AKR1C8: variants seen among roughly 807,000 people sequenced by gnomAD.
AKR1C8 encodes the protein aldo-keto reductase family 1 member C-like protein 1.
chr10:5,134,205 A>G, the AKR1C8 span, among the ~76,000 whole-genome samples: 2 of 152,148 alleles, frequency 1.3e-5, no homozygotes, highest in Admixed American at 6.6e-5. Context: ...GGAGGCACTC[A>G]AGGTTTACCA....
the AKR1C8 span, among the ~76,000 whole-genome samples, chr10:5,172,033 T>C: frequency 2.4e-4 from 36 of 152,226 alleles, no homozygotes; most frequent in Admixed American, 1.2e-3. Context: ...ATTTTAATTC[T>C]GTACTAGGTG....
the AKR1C8 span, among the ~76,000 whole-genome samples, chr10:5,117,725 G>A: frequency 6.6e-6 from 1 of 152,128 alleles, no homozygotes; most frequent in Non-Finnish European, 1.5e-5. Context: ...AGAAAGGAAA[G>A]GAGAACCAGC....
the AKR1C8 span, among the ~76,000 whole-genome samples, chr10:5,166,539 A>G: frequency 6.6e-6 from 1 of 152,230 alleles, no homozygotes; most frequent in African/African-American, 2.4e-5. Flanking sequence ...AAATGGGGAA[A>G]TGATTCCCTA....
the AKR1C8 span, among the ~76,000 whole-genome samples, chr10:5,157,011 C>T: frequency 1.3e-5 from 2 of 152,144 alleles, no homozygotes; most frequent in Admixed American, 1.3e-4. Flanking sequence ...AACTTCACTC[C>T]TCAATTTCTT....
chr10:5,167,571 G>A, the AKR1C8 span, among the ~76,000 whole-genome samples: 1 of 152,282 alleles, frequency 6.6e-6, no homozygotes, highest in Non-Finnish European at 1.5e-5. Flanking sequence ...ACTCATAGGT[G>A]GGAATTGAAC....
At chr10:5,165,004 T>C in the AKR1C8 span, among the ~76,000 whole-genome samples, 1 of 152,180 alleles carries the variant, frequency 6.6e-6, no homozygotes, top group East Asian at 1.9e-4. Context: ...TCAGCCAGTG[T>C]TGTAGTAATC....
At chr10:5,176,875 TG>T in the AKR1C8 span, among the ~76,000 whole-genome samples, 1 of 152,198 alleles carries the variant, frequency 6.6e-6, no homozygotes, top group Non-Finnish European at 1.5e-5. Context: ...AAGGAGATTT[TG>T]GGCTGAGACG....
At chr10:5,130,273 A>T in the AKR1C8 span, among the ~76,000 whole-genome samples, 3 of 152,020 alleles carry the variant, frequency 2.0e-5, no homozygotes, top group Non-Finnish European at 4.4e-5. Flanking sequence ...ACTTCCCTGA[A>T]AATAATAAAA....
chr10:5,181,375 A>C, the AKR1C8 span, among the ~76,000 whole-genome samples: 1,289 of 152,332 alleles, frequency 8.5e-3, 16 homozygotes, highest in African/African-American at 0.029. Context: ...TTACTTTTTC[A>C]AATGTTTAAA....
At chr10:5,134,827 C>T in the AKR1C8 span, among the ~76,000 whole-genome samples, 48 of 152,158 alleles carry the variant, frequency 3.2e-4, no homozygotes, top group Non-Finnish European at 5.4e-4. Context: ...AGTCAATCAC[C>T]TACAAAAGGA....
At chr10:5,121,325 G>T in the AKR1C8 span, among the ~76,000 whole-genome samples, 1 of 152,154 alleles carries the variant, frequency 6.6e-6, no homozygotes, top group African/African-American at 2.4e-5. Context: ...ACTGGAGTAA[G>T]AGTCTTGCCC....
the AKR1C8 span, among the ~76,000 whole-genome samples, chr10:5,144,879 T>G: frequency 1.3e-5 from 2 of 152,148 alleles, no homozygotes; most frequent in African/African-American, 4.8e-5. Context: ...TCCTGCCTAA[T>G]TGCCCTGGCC....
the AKR1C8 span, among the ~76,000 whole-genome samples, chr10:5,131,190 A>G: frequency 3.9e-5 from 6 of 152,136 alleles, no homozygotes; most frequent in Non-Finnish European, 8.8e-5. Context: ...AAGATGGATC[A>G]AAAACTTAAG....
At chr10:5,117,211 C>T in the AKR1C8 span, among the ~76,000 whole-genome samples, 9 of 151,910 alleles carry the variant, frequency 5.9e-5, no homozygotes, top group African/African-American at 9.7e-5. Context: ...TTTAATTCAC[C>T]GCTTAACCAC....
At chr10:5,141,732 T>G in the AKR1C8 span, among the ~76,000 whole-genome samples, 1 of 152,180 alleles carries the variant, frequency 6.6e-6, no homozygotes, top group Non-Finnish European at 1.5e-5. Context: ...TCTCTATTTT[T>G]GAGCAGGTTT....
the AKR1C8 span, among the ~76,000 whole-genome samples, chr10:5,183,999 T>C: frequency 7.2e-5 from 11 of 152,202 alleles, no homozygotes; most frequent in Non-Finnish European, 1.6e-4. Context: ...TCCAGTGGGC[T>C]CTGGTGGGCA....
At chr10:5,128,610 A>G in the AKR1C8 span, among the ~76,000 whole-genome samples, 1 of 152,164 alleles carries the variant, frequency 6.6e-6, no homozygotes, top group African/African-American at 2.4e-5. Context: ...ATGCAAATGG[A>G]AACCAAAAGT....
the AKR1C8 span, chr10:5,159,989 T>C: frequency 2.1e-6 from 1 of 469,852 alleles, no homozygotes; most frequent in African/African-American, 2.0e-5. Flanking sequence ...ACCTGCTTCT[T>C]TGCACTTCTC....
chr10:5,128,527 T>C, the AKR1C8 span, among the ~76,000 whole-genome samples: 1 of 152,078 alleles, frequency 6.6e-6, no homozygotes, highest in African/African-American at 2.4e-5. Context: ...AAATACCTGC[T>C]ATCTTCAAGA....
Sources: allele counts gnomAD v4.1 joint callset (sites outside exome capture counted in the v4.1 genomes callset), GRCh38; gene constraint gnomAD v4.1.1; transcripts MANE v1.5; gene names NCBI Gene and HGNC (gene_info 2026-07-23, HGNC 2026-07-21).